The following FABP12 variants were observed in gnomAD, a reference collection of about 807,000 sequenced individuals.
The protein encoded by FABP12 is fatty acid binding protein 12, also known as fatty acid-binding protein 12.
FABP12 carries 19 observed loss-of-function variants against 13.7 expected under a neutral mutation model. That is an observed-to-expected ratio of 1.39 (90% CI 0.97 to 2.04). The LOEUF (loss-of-function observed/expected upper bound fraction) is 2.04, where lower values mean the gene tolerates loss of function less well. Among genes scored for constraint, FABP12 ranks in the 30% most tolerant of loss-of-function variants. The pLI is 0.00. For synonymous variants in FABP12, 61 were observed against 57.0 expected (o/e 1.07, Z -0.32); for missense variants, 182 against 164.2 (o/e 1.11, Z -0.59).
intron 1 of FABP12, among the ~76,000 whole-genome samples, chr8:81,558,166 G>GT (rs1220630537): frequency 2.6e-5 from 4 of 152,198 alleles, no homozygotes; most frequent in Non-Finnish European, 5.9e-5. Flanking sequence ...GAATGCTAGG[G>GT]TTTTTTCCCT....
chr8:81,533,874 C>T lies in FABP12; in HGVS notation c.-148G>A, dbSNP rs767215248. On this transcript the variant is annotated 5_prime_UTR_variant, in exon 1 of 5. Coordinates refer to ENST00000360464, the Ensembl canonical transcript of FABP12. ...GATCTCACGATGGACTTCTGCTGGA[C>T]ATACCTGACTTGATGACTCTGTGGG... Among the ~76,000 whole-genome samples the T allele has an allele frequency of 2.6e-5, 4 of 152,166 alleles. No individual in the cohort carries two copies. The highest frequency in any genetic ancestry group is 2.1e-4 in the South Asian group (1 of 4,824).
intron 1 of FABP12, among the ~76,000 whole-genome samples, chr8:81,583,004 C>T (rs888749628): frequency 6.6e-6 from 1 of 152,030 alleles, no homozygotes; most frequent in Non-Finnish European, 1.5e-5. Flanking sequence ...TATTAAGTAC[C>T]TTCTCAGACC....
chr8:81,548,349 C>A (rs1230328998), intron 1 of FABP12, among the ~76,000 whole-genome samples: 1 of 152,054 alleles, frequency 6.6e-6, no homozygotes. Flanking sequence ...TACAGAAATG[C>A]ATATAAATAG....
intron 1 of FABP12, among the ~76,000 whole-genome samples, chr8:81,571,400 T>C (rs1329116061): frequency 6.6e-6 from 1 of 152,154 alleles, no homozygotes; most frequent in Non-Finnish European, 1.5e-5. Context: ...CGTAGGAGGA[T>C]GGGGGCGGCG....
chr8:81,559,631 T>G (rs1809684342), intron 1 of FABP12, among the ~76,000 whole-genome samples: 1 of 152,184 alleles, frequency 6.6e-6, no homozygotes, highest in Admixed American at 6.5e-5. Context: ...GATCTACACT[T>G]TTCTGAGACC....
chr8:81,589,523 C>T (rs901723866), intron 1 of FABP12, among the ~76,000 whole-genome samples: 3 of 152,212 alleles, frequency 2.0e-5, no homozygotes, highest in African/African-American at 7.2e-5. Context: ...CCACTCCTAA[C>T]CTGGCAGTCC....
chr8:81,527,708 T>C (rs962939668), intron 3 of FABP12, among the ~76,000 whole-genome samples: 1 of 152,172 alleles, frequency 6.6e-6, no homozygotes, highest in Non-Finnish European at 1.5e-5. Context: ...AGTATTATCT[T>C]TTTGCATAAA....
At chr8:81,555,580 G>A (rs116656179) in intron 1 of FABP12, among the ~76,000 whole-genome samples, 1,686 of 152,242 alleles carry the variant, frequency 0.011, 30 homozygotes, top group African/African-American at 0.038. Context: ...AAGGATAGTT[G>A]CCATCTTTTG....
At chr8:81,574,270 T>C (rs1192535865) in intron 1 of FABP12, among the ~76,000 whole-genome samples, 1 of 152,226 alleles carries the variant, frequency 6.6e-6, no homozygotes, top group Non-Finnish European at 1.5e-5. Context: ...GACTTGCATA[T>C]GCTAAACCAT....
intron 1 of FABP12, among the ~76,000 whole-genome samples, chr8:81,563,454 G>C (rs1279828091): frequency 6.6e-6 from 1 of 152,204 alleles, no homozygotes; most frequent in African/African-American, 2.4e-5. Flanking sequence ...TAAGGTACCA[G>C]TGACCAATCC....
At chr8:81,550,319 A>G (rs1389670603) in intron 1 of FABP12, among the ~76,000 whole-genome samples, 5 of 152,192 alleles carry the variant, frequency 3.3e-5, no homozygotes, top group Non-Finnish European at 4.4e-5. Context: ...AAATGTTCCA[A>G]ATGATGCTGA....
chr8:81,551,293 A>G (rs1388747710), intron 1 of FABP12, among the ~76,000 whole-genome samples: 3 of 152,146 alleles, frequency 2.0e-5, no homozygotes, highest in Non-Finnish European at 4.4e-5. Context: ...ATCAGGCAAC[A>G]GTGATCTCAA....
At chr8:81,562,975 A>G (rs1445049034) in intron 1 of FABP12, among the ~76,000 whole-genome samples, 1 of 152,194 alleles carries the variant, frequency 6.6e-6, no homozygotes, top group African/African-American at 2.4e-5. Flanking sequence ...CTTGTGTGAG[A>G]CCCAGTGCTT....
chr8:81,529,301 C>T (rs984778337), intron 3 of FABP12, 137 bp downstream of exon 3: 8 of 820,446 alleles, frequency 9.8e-6, no homozygotes, highest in Non-Finnish European at 1.6e-5. Context: ...TTCACATTGA[C>T]ATCCTTAGAC....
intron 1 of FABP12, among the ~76,000 whole-genome samples, chr8:81,571,468 C>A (rs951577067): frequency 6.6e-6 from 1 of 152,236 alleles, no homozygotes; most frequent in Non-Finnish European, 1.5e-5. Flanking sequence ...ACTGCTGCTC[C>A]CTCAGCCTCC....
At chr8:81,559,368 G>A (rs1286836558) in intron 1 of FABP12, among the ~76,000 whole-genome samples, 1 of 152,184 alleles carries the variant, frequency 6.6e-6, no homozygotes, top group Non-Finnish European at 1.5e-5. Flanking sequence ...CTATTTAACA[G>A]TGGTGCCTTG....
intron 1 of FABP12, among the ~76,000 whole-genome samples, chr8:81,578,141 A>C (rs1054179837): frequency 6.6e-6 from 1 of 152,200 alleles, no homozygotes; most frequent in African/African-American, 2.4e-5. Context: ...GCAGAAACTA[A>C]ATTTCCGACA....
At chr8:81,568,486 T>C (rs76515343) in intron 1 of FABP12, among the ~76,000 whole-genome samples, 7,257 of 152,290 alleles carry the variant, frequency 0.048, 224 homozygotes, top group East Asian at 0.16. Context: ...TAACAAATGC[T>C]GGTTAGGATG....
At chr8:81,555,883 T>A (rs1444650132) in intron 1 of FABP12, among the ~76,000 whole-genome samples, 2 of 151,444 alleles carry the variant, frequency 1.3e-5, no homozygotes, top group Non-Finnish European at 2.9e-5. Flanking sequence ...TGTTCTAGTA[T>A]TTTTTTTTCT....
Sources: allele counts gnomAD v4.1 joint callset (sites outside exome capture counted in the v4.1 genomes callset), GRCh38; gene constraint gnomAD v4.1.1; transcripts MANE v1.5; gene names NCBI Gene and HGNC (gene_info 2026-07-23, HGNC 2026-07-21).